The following FOXN3 variants were observed in gnomAD, a reference collection of about 807,000 sequenced individuals.
FOXN3 encodes forkhead box N3.
FOXN3 carries 7 observed loss-of-function variants against 38.4 expected under a neutral mutation model. The observed-to-expected ratio is 0.18, with a 90% CI of 0.10 to 0.34. The LOEUF (loss-of-function observed/expected upper bound fraction) is 0.34, where lower values mean the gene tolerates loss of function less well. Ranked by LOEUF, FOXN3 falls within the 10% of genes least tolerant of loss-of-function variation. The pLI, the probability that FOXN3 is intolerant of heterozygous loss-of-function variation, is 1.00. For synonymous variants in FOXN3, 230 were observed against 242.2 expected, an observed-to-expected ratio of 0.95 and a Z score of 0.47; for missense variants, 456 against 613.4, an observed-to-expected ratio of 0.74 and a Z score of 2.71.
chr14:89,253,119 T>C (rs1885510574), intron 4 of FOXN3, among the ~76,000 whole-genome samples: 1 of 152,172 alleles, frequency 6.6e-6, no homozygotes, highest in African/African-American at 2.4e-5. Context: ...AGTTTAGCTA[T>C]AAATGGCTCC....
chr14:89,552,181 T>C (rs145643805), intron 1 of FOXN3, among the ~76,000 whole-genome samples: 126 of 152,312 alleles, frequency 8.3e-4, no homozygotes, highest in African/African-American at 2.9e-3. Flanking sequence ...GGGCCAGTCA[T>C]TGTAAAGAGC....
At chr14:89,296,824 G>T (rs900903545) in intron 3 of FOXN3, among the ~76,000 whole-genome samples, 6 of 152,090 alleles carry the variant, frequency 3.9e-5, no homozygotes, top group African/African-American at 1.4e-4. Flanking sequence ...TTTAGTAGAG[G>T]CGGGGTTTTG....
chr14:89,608,080 G>A (rs1283690246), intron 1 of FOXN3, among the ~76,000 whole-genome samples: 3 of 152,028 alleles, frequency 2.0e-5, no homozygotes, highest in South Asian at 4.1e-4. Context: ...CCAGGTTCAC[G>A]CCATTCTCCT....
At chr14:89,594,300 G>A (rs1896014053) in intron 1 of FOXN3, among the ~76,000 whole-genome samples, 1 of 152,180 alleles carries the variant, frequency 6.6e-6, no homozygotes, top group African/African-American at 2.4e-5. Flanking sequence ...GTTTTCCAAA[G>A]TGGTTGTACC....
intron 1 of FOXN3, among the ~76,000 whole-genome samples, chr14:89,461,069 C>T (rs1892837817): frequency 6.6e-6 from 1 of 151,028 alleles, no homozygotes; most frequent in Non-Finnish European, 1.5e-5. Flanking sequence ...CGCAGTGGCT[C>T]ACACCTGTAA....
intron 2 of FOXN3, among the ~76,000 whole-genome samples, chr14:89,355,494 C>T (rs1484116711): frequency 6.6e-6 from 1 of 152,126 alleles, no homozygotes; most frequent in Non-Finnish European, 1.5e-5. Flanking sequence ...GCCTTGGCCT[C>T]CCAAAGTGCT....
chr14:89,486,958 C>T (rs1332012991), intron 1 of FOXN3, among the ~76,000 whole-genome samples: 2 of 152,154 alleles, frequency 1.3e-5, no homozygotes, highest in African/African-American at 4.8e-5. Context: ...GCCATTGAGA[C>T]ATTTGTGAGA....
In FOXN3 at chr14:89,309,857, T is replaced by G. The variant is rs1401826035; in HGVS notation, c.681-28843A>C. ...CGTTGGCTGCCTGGGGCTCTCAGTCTGCAGTCACAGACCTACCTGAAAGAG... is the reference window on the plus strand; with the variant it reads ...CGTTGGCTGCCTGGGGCTCTCAGTCGGCAGTCACAGACCTACCTGAAAGAG... On this transcript the variant is annotated intron_variant, in intron 3 of 5. Coordinates refer to ENST00000557258, the MANE Select transcript of FOXN3 (RefSeq NM_005197.4). 3.3e-5 allele frequency among the ~76,000 whole-genome samples: 5 copies of G among 152,262 alleles called. No individual in the cohort carries two copies. The East Asian group carries it at 9.6e-4, about 29-fold the overall frequency.
rs1328224841 is a variant in FOXN3 at position 89,611,785 on chromosome 14, G to A, written c.-15+7243C>T. Among the ~76,000 whole-genome samples, 40 of 128,888 alleles carry A rather than the reference G, an allele frequency of 3.1e-4. No individual in the cohort carries two copies. In the East Asian group the frequency reaches 4.4e-3, roughly 14 times the overall value. 84.6% of individuals were successfully genotyped at this position (128,888 alleles called of 152,430 possible). A position where few individuals can be genotyped will look rare whatever the true frequency, so the allele number is the denominator to read the frequency against. Reference sequence around the variant, plus strand: ...CGTGCCACTGCACTCCAGCCTGGGCGACAGAGTGAGACTCCGTCTCAAAAA... The same window carrying A: ...CGTGCCACTGCACTCCAGCCTGGGCAACAGAGTGAGACTCCGTCTCAAAAA... On this transcript the variant is annotated intron_variant, in intron 1 of 6. Transcript: ENST00000345097.
At chr14:89,317,603 G>GAAGC (rs1321987621) in intron 3 of FOXN3, among the ~76,000 whole-genome samples, 1 of 152,084 alleles carries the variant, frequency 6.6e-6, no homozygotes, top group Non-Finnish European at 1.5e-5. Flanking sequence ...CTGTCTCTTA[G>GAAGC]AAGCACACCG....
intron 2 of FOXN3, among the ~76,000 whole-genome samples, chr14:89,354,507 G>A (rs1889117929): frequency 6.8e-6 from 1 of 147,926 alleles, no homozygotes; most frequent in Admixed American, 6.7e-5. Flanking sequence ...GATTACAGGC[G>A]TGAGCCACTG....
At chr14:89,418,298 G>T (rs1248838437), upstream of FOXN3, among the ~76,000 whole-genome samples, 1 of 151,832 alleles carries the variant, frequency 6.6e-6, no homozygotes, top group African/African-American at 2.4e-5. Flanking sequence ...AAAAAACAGC[G>T]AGTAGACCTG....
intron 1 of FOXN3, among the ~76,000 whole-genome samples, chr14:89,552,436 A>G (rs1025249317): frequency 6.6e-6 from 1 of 152,200 alleles, no homozygotes; most frequent in African/African-American, 2.4e-5. Flanking sequence ...AGTTCGCAAT[A>G]GAAGCATAAA....
chr14:89,412,337 T>A lies in FOXN3; in HGVS notation c.140A>T (p.Asp47Val). 6.2e-7 allele frequency: 1 copy of A among 1,614,128 alleles called. No individual in the cohort carries two copies. Among genetic ancestry groups the A allele is most frequent in the Non-Finnish European group, 8.5e-7 (1 of 1,180,024 alleles). The change falls in exon 2 of 6, where the codon GAC (aspartate) becomes GTC (valine). Residue 47 changes from aspartate (D) to valine (V), a missense_variant. By Grantham distance (152) the Asp-to-Val change is radical. Coordinates refer to ENST00000557258, the MANE Select transcript of FOXN3 (RefSeq NM_005197.4). This position sits in a 1 kb window ranked among gnomAD's most constrained non-coding sequence, Gnocchi z 4.7. The part of the protein sequence containing the change: ...EDDDLDFSLP[D>V]IRLEEGAMED... Reference sequence around the variant, plus strand: ...CATGGCCCCCTCTTCTAATCGGATGTCAGGCAGAGAAAAGTCGAGGTCATC... The same window carrying A: ...CATGGCCCCCTCTTCTAATCGGATGACAGGCAGAGAAAAGTCGAGGTCATC...
chr14:89,448,914 A>C (rs1892562588), intron 1 of FOXN3, among the ~76,000 whole-genome samples: 1 of 151,536 alleles, frequency 6.6e-6, no homozygotes, highest in South Asian at 2.1e-4. Context: ...ACTGCACTCC[A>C]GCCTGGGCAA....
At chr14:89,217,851 C>T (rs868379891) in intron 4 of FOXN3, among the ~76,000 whole-genome samples, 2 of 152,332 alleles carry the variant, frequency 1.3e-5, no homozygotes, top group Admixed American at 1.3e-4. Flanking sequence ...CAATGCTGAG[C>T]CTGCAGCACT....
intron 1 of FOXN3, among the ~76,000 whole-genome samples, chr14:89,524,237 G>C (rs1377365565): frequency 1.4e-5 from 2 of 147,604 alleles, no homozygotes; most frequent in Non-Finnish European, 3.0e-5. Flanking sequence ...AGCCAAGCGA[G>C]GTGGTGGGCG....
intron 4 of FOXN3, among the ~76,000 whole-genome samples, chr14:89,222,859 G>C (rs920992828): frequency 6.3e-4 from 96 of 152,142 alleles, no homozygotes; most frequent in African/African-American, 2.2e-3. Context: ...GGGGGCAAAA[G>C]TTTTGCTGAG....
intron 1 of FOXN3, among the ~76,000 whole-genome samples, chr14:89,588,516 T>C (rs1895891605): frequency 6.6e-6 from 1 of 152,112 alleles, no homozygotes; most frequent in South Asian, 2.1e-4. Context: ...AAAGGACAAT[T>C]CAGGGAGTGC....
Sources: allele counts gnomAD v4.1 joint callset (sites outside exome capture counted in the v4.1 genomes callset), GRCh38; gene constraint gnomAD v4.1.1; non-coding constraint Gnocchi (gnomAD v3.1); transcripts MANE v1.5; gene names NCBI Gene and HGNC (gene_info 2026-07-23, HGNC 2026-07-21).